The following CDH12 variants were observed in gnomAD, a reference collection of about 807,000 sequenced individuals.
CDH12 encodes cadherin 12.
In CDH12, 41 loss-of-function variants were observed where a neutral mutation model predicts 74.1. The observed-to-expected ratio is 0.55, with a 90% confidence interval of 0.43 to 0.72. The LOEUF is 0.72. Ranked by LOEUF, CDH12 falls within the 30% of genes least tolerant of loss-of-function variation. The probability of loss-of-function intolerance (pLI) is 0.00; values close to 1 mark genes in which losing one functional copy is unlikely to be tolerated. For missense variants in CDH12, 945 were observed against 977.2 expected, an observed-to-expected ratio of 0.97 and a Z score of 0.44; for synonymous variants, 399 against 355.0, an observed-to-expected ratio of 1.12 and a Z score of -1.39.
chr5:22,044,376 C>A (rs1258086321), intron 5 of CDH12, among the ~76,000 whole-genome samples: 1 of 152,132 alleles, frequency 6.6e-6, no homozygotes, highest in Non-Finnish European at 1.5e-5. Context: ...AGGAAACTAA[C>A]AATCATGGCA....
At chr5:22,443,802 T>C (rs1400815002) in intron 2 of CDH12, among the ~76,000 whole-genome samples, 2 of 152,120 alleles carry the variant, frequency 1.3e-5, no homozygotes, top group Non-Finnish European at 1.5e-5. Flanking sequence ...AAAGGCTTTT[T>C]GGTTTTTTCA....
At chr5:22,666,126 C>T (rs1445259599) in intron 1 of CDH12, among the ~76,000 whole-genome samples, 1 of 152,006 alleles carries the variant, frequency 6.6e-6, no homozygotes, top group Non-Finnish European at 1.5e-5. Flanking sequence ...TCTTATTTAC[C>T]TCAGTAAATG....
intron 3 of CDH12, among the ~76,000 whole-genome samples, chr5:22,268,191 T>C (rs1736221779): frequency 6.6e-6 from 1 of 152,124 alleles, no homozygotes; most frequent in Admixed American, 6.6e-5. Context: ...CATGTATTAC[T>C]TTGAATACAA....
intron 5 of CDH12, among the ~76,000 whole-genome samples, chr5:22,075,361 A>G (rs1239482399): frequency 2.0e-5 from 3 of 151,448 alleles, no homozygotes; most frequent in Admixed American, 6.6e-5. Context: ...ACCTAATGTT[A>G]AATGATGAGT....
intron 3 of CDH12, among the ~76,000 whole-genome samples, chr5:22,310,752 C>G (rs955480780): frequency 6.6e-6 from 1 of 152,144 alleles, no homozygotes; most frequent in East Asian, 1.9e-4. Flanking sequence ...CTAACTCACA[C>G]AAGGTTTAAT....
intron 1 of CDH12, among the ~76,000 whole-genome samples, chr5:22,774,517 A>C (rs1561021882): frequency 6.6e-6 from 1 of 152,070 alleles, no homozygotes; most frequent in Non-Finnish European, 1.5e-5. Flanking sequence ...GAGGTAATTG[A>C]ATCATGGGGG....
At chr5:22,251,462 A>G (rs938634782) in intron 3 of CDH12, among the ~76,000 whole-genome samples, 1 of 152,228 alleles carries the variant, frequency 6.6e-6, no homozygotes, top group African/African-American at 2.4e-5. Context: ...AAGTGGACAC[A>G]CAGGAAATTT....
chr5:21,873,705 G>A (rs980707684), intron 6 of CDH12, among the ~76,000 whole-genome samples: 2 of 152,190 alleles, frequency 1.3e-5, no homozygotes, highest in African/African-American at 4.8e-5. Flanking sequence ...CGTGTGCCAT[G>A]GTGGTTTGCT....
At chr5:22,041,794 T>C (rs527353224) in intron 5 of CDH12, among the ~76,000 whole-genome samples, 13 of 152,236 alleles carry the variant, frequency 8.5e-5, no homozygotes, top group Non-Finnish European at 1.2e-4. Flanking sequence ...TTCAACTGCA[T>C]TGGAGACAAA....
At chr5:22,542,434 G>C (rs1446096215) in intron 1 of CDH12, among the ~76,000 whole-genome samples, 1 of 152,124 alleles carries the variant, frequency 6.6e-6, no homozygotes, top group African/African-American at 2.4e-5. Flanking sequence ...TTATTTTAAA[G>C]AATATTAGTG....
chr5:22,464,926 C>T (rs942663887), intron 2 of CDH12, among the ~76,000 whole-genome samples: 13 of 150,854 alleles, frequency 8.6e-5, no homozygotes, highest in Middle Eastern at 3.4e-3. Flanking sequence ...GGCTTGAACC[C>T]GGGAGGCGGA....
chr5:21,853,706 C>G (rs1456025332), intron 7 of CDH12, among the ~76,000 whole-genome samples: 1 of 151,616 alleles, frequency 6.6e-6, no homozygotes, highest in Non-Finnish European at 1.5e-5. Flanking sequence ...AAATGTTTAA[C>G]TTATTTGAAT....
In CDH12 at chr5:22,343,283, TACACACACACAC is replaced by T. The variant is rs70959717; in HGVS notation, c.-333+61962_-333+61973del. Among the ~76,000 whole-genome samples, 9 of 92,660 alleles carry T rather than the reference TACACACACACAC, an allele frequency of 9.7e-5. No individual in the cohort carries two copies. In the East Asian group the frequency reaches 2.6e-3, roughly 26 times the overall value. 60.8% of individuals were successfully genotyped at this position (92,660 alleles called of 152,430 possible). On this transcript the variant is annotated intron_variant, in intron 3 of 14. Transcript: ENST00000382254. Reference sequence around the variant, plus strand: ...TAAATCACAGATAAAACATAAACCCTACACACACACACACACACACACACACACAGACACACA... The same window carrying T: ...TAAATCACAGATAAAACATAAACCCTACACACACACACACACAGACACACA...
At chr5:22,122,859 C>A (rs145382134) in intron 4 of CDH12, among the ~76,000 whole-genome samples, 179 of 152,326 alleles carry the variant, frequency 1.2e-3, no homozygotes, top group African/African-American at 4.2e-3. Flanking sequence ...AAACACTGAT[C>A]AGCTCTTCCT....
chr5:22,793,843 A>C (rs887660036), intron 1 of CDH12, among the ~76,000 whole-genome samples: 35 of 151,960 alleles, frequency 2.3e-4, no homozygotes, highest in African/African-American at 8.0e-4. Context: ...CAGGCAGTAC[A>C]TCCTGGCAAT....
chr5:21,802,222 T>A lies in CDH12; in HGVS notation c.1201A>T (p.Thr401Ser), dbSNP rs946639583. ...TGAGCAGTGACAGCGCCAATGATGG[T>A]CCCTACCGGAGTGTCTTCATAAACC... ...MEVYEDTPVGTIIGAVTAQDL... is the reference protein window; with the variant it reads ...MEVYEDTPVGSIIGAVTAQDL... Residue 401 changes from threonine (T) to serine (S), a missense_variant, in exon 10 of 15, where the codon ACC becomes TCC. By Grantham distance (58) the Thr-to-Ser change is moderately conservative. Transcript: ENST00000382254. The A allele has an allele frequency of 1.2e-6, 2 of 1,613,894 alleles. No homozygotes were observed. Among genetic ancestry groups the A allele is most frequent in the Non-Finnish European group, 1.7e-6 (2 of 1,179,928 alleles).
At chr5:21,822,019 T>C (rs1007125210) in intron 8 of CDH12, among the ~76,000 whole-genome samples, 1 of 151,968 alleles carries the variant, frequency 6.6e-6, no homozygotes, top group Non-Finnish European at 1.5e-5. Flanking sequence ...AGAAACTTTA[T>C]AGAAATTGTG....
chr5:22,457,803 G>A (rs1192984544), intron 2 of CDH12, among the ~76,000 whole-genome samples: 2 of 151,960 alleles, frequency 1.3e-5, no homozygotes, highest in Non-Finnish European at 2.9e-5. Flanking sequence ...GGAGTGCAGT[G>A]GTGCGATCTC....
chr5:22,698,718 T>C lies in CDH12; in HGVS notation c.-523+154340A>G, dbSNP rs865815342. 2.1e-3 allele frequency among the ~76,000 whole-genome samples: 31 copies of C among 14,860 alleles called. 3 individuals are homozygous for C. Among genetic ancestry groups the C allele is most frequent in the Non-Finnish European group, 3.0e-3 (24 of 7,974 alleles). The allele number at this position is 14,860 out of a possible 152,430, so 9.7% of individuals were successfully genotyped here. The stretch of plus-strand genomic sequence containing the variant: ...ATATATATATATATATATATATATA[T>C]ATATATATATATATATAGTGTGTGT... On this transcript the variant is annotated intron_variant, in intron 1 of 14. Transcript: ENST00000382254.
Sources: gnomAD v4.1 joint callset for allele counts (sites outside exome capture counted in the v4.1 genomes callset) on GRCh38, gnomAD v4.1.1 for gene constraint, MANE v1.5 for transcripts, NCBI Gene and HGNC (gene_info 2026-07-23, HGNC 2026-07-21) for gene names.